IDE: variants seen among roughly 807,000 people sequenced by gnomAD.
IDE encodes insulin degrading enzyme.
Under a neutral mutation model 133.2 loss-of-function variants are expected in IDE, and 58 were observed. The ratio of observed to expected loss-of-function variants is 0.44; its 90% CI spans 0.35 to 0.54. The LOEUF (loss-of-function observed/expected upper bound fraction) is 0.54, where lower values mean the gene tolerates loss of function less well. IDE is among the 20% of genes least tolerant of loss of function. The pLI is 0.00. For synonymous variants in IDE, 396 were observed against 421.3 expected (o/e 0.94, Z 0.73); for missense variants, 981 against 1,234.0 (o/e 0.79, Z 3.07).
intron 5 of IDE, among the ~76,000 whole-genome samples, chr10:92,513,521 G>A (rs1396695747): frequency 6.6e-6 from 1 of 152,040 alleles, no homozygotes; most frequent in East Asian, 1.9e-4. Flanking sequence ...AATTTTGTGG[G>A]GGGGATATGT....
chr10:92,486,783 C>T (rs189537646), intron 13 of IDE, among the ~76,000 whole-genome samples: 1 of 152,276 alleles, frequency 6.6e-6, no homozygotes, highest in African/African-American at 2.4e-5. Flanking sequence ...TTTTTAAGGG[C>T]AGGAAATCCA....
intron 1 of IDE, among the ~76,000 whole-genome samples, chr10:92,560,957 G>A (rs547530853): frequency 7.2e-5 from 11 of 151,970 alleles, no homozygotes; most frequent in South Asian, 6.2e-4. Context: ...ACTCAGGCCG[G>A]GTGTGGTGGC....
At chr10:92,549,075 T>C (rs1245927346) in intron 1 of IDE, among the ~76,000 whole-genome samples, 3 of 151,876 alleles carry the variant, frequency 2.0e-5, no homozygotes, top group African/African-American at 7.3e-5. Context: ...CTGGCCAACA[T>C]ATTGAAACAC....
intron 13 of IDE, among the ~76,000 whole-genome samples, chr10:92,485,940 C>CATAA (rs200235804): frequency 0.017 from 2,590 of 151,548 alleles, 72 homozygotes; most frequent in African/African-American, 0.059. Context: ...ACCCTGTCTC[C>CATAA]ATAAATAAAT....
intron 1 of IDE, among the ~76,000 whole-genome samples, chr10:92,566,126 T>C (rs1413058794): frequency 6.7e-6 from 1 of 148,812 alleles, no homozygotes; most frequent in Non-Finnish European, 1.5e-5. Flanking sequence ...GAGGCCAAGG[T>C]AGGTGGACTG....
At chr10:92,467,428 T>C (rs1043959452) in intron 19 of IDE, among the ~76,000 whole-genome samples, 7 of 152,322 alleles carry the variant, frequency 4.6e-5, no homozygotes, top group African/African-American at 1.7e-4. Flanking sequence ...AGTGAAGAAC[T>C]ATTTAAAGAT....
chr10:92,548,940 C>A (rs1251689156), intron 1 of IDE, among the ~76,000 whole-genome samples: 1 of 152,126 alleles, frequency 6.6e-6, no homozygotes, highest in Non-Finnish European at 1.5e-5. Flanking sequence ...AGGGATGCCA[C>A]TAAGCAACCT....
intron 14 of IDE, among the ~76,000 whole-genome samples, chr10:92,481,577 T>C (rs989336013): frequency 6.6e-6 from 1 of 152,226 alleles, no homozygotes; most frequent in Non-Finnish European, 1.5e-5. Flanking sequence ...ATACGTTATT[T>C]TGTAACCAGA....
chr10:92,452,408 A>C lies in IDE; in HGVS notation c.*2036T>G, dbSNP rs527618146. 3.3e-5 allele frequency: 5 copies of C among 152,338 alleles called. No individual in the cohort carries two copies. Among genetic ancestry groups the C allele is most frequent in the Non-Finnish European group, 5.9e-5 (4 of 68,028 alleles). 9.4% of individuals were successfully genotyped at this position (152,338 alleles called of 1,614,324 possible). A position where few individuals can be genotyped will look rare whatever the true frequency, so the allele number is the denominator to read the frequency against. ...GTTCCACAAATCTCATTTACTAAGCACTGCGTAAACTGCAGTATCTGGGGT... is the reference window on the plus strand; with the variant it reads ...GTTCCACAAATCTCATTTACTAAGCCCTGCGTAAACTGCAGTATCTGGGGT... On this transcript the variant is annotated 3_prime_UTR_variant, in exon 25 of 25. Transcript: ENST00000265986.
At chr10:92,571,007 G>A (rs1187292811) in intron 1 of IDE, among the ~76,000 whole-genome samples, 4 of 151,362 alleles carry the variant, frequency 2.6e-5, no homozygotes, top group Non-Finnish European at 5.9e-5. Context: ...TTAAGACACA[G>A]TCTCGCTCAG....
rs1357281633 is a variant in IDE, at chr10:92,534,608, G to C, written c.461C>G (p.Ser154Cys). The C allele has an allele frequency of 2.5e-6, 4 of 1,613,730 alleles. No homozygotes were observed. Among genetic ancestry groups the C allele is most frequent in the Non-Finnish European group, 3.4e-6 (4 of 1,179,774 alleles). The change falls in exon 3 of 25, where the codon TCT (serine) becomes TGT (cysteine). Residue 154 changes from serine (S) to cysteine (C), a missense_variant. Ser to Cys is a moderately radical substitution (Grantham distance 112, BLOSUM62 -1). Coordinates refer to ENST00000265986, the MANE Select transcript of IDE (RefSeq NM_004969.4). ...TAGGGCACCTTCTAGGTGTTCATGAGAAACATCAAAATAGTAATTGGTATG... is the reference window on the plus strand; with the variant it reads ...TAGGGCACCTTCTAGGTGTTCATGACAAACATCAAAATAGTAATTGGTATG... ...GEHTNYYFDV[S>C]HEHLEGALDR...
chr10:92,566,846 G>A (rs936835912), intron 1 of IDE, among the ~76,000 whole-genome samples: 6 of 152,098 alleles, frequency 3.9e-5, no homozygotes, highest in African/African-American at 1.4e-4. Flanking sequence ...ATAAATATTA[G>A]CTACTAAATC....
At chr10:92,525,462 C>A (rs1849572192) in intron 4 of IDE, among the ~76,000 whole-genome samples, 2 of 152,058 alleles carry the variant, frequency 1.3e-5, no homozygotes, top group African/African-American at 4.8e-5. Context: ...AAAGTGAAAG[C>A]CTTTGCTCTA....
Position 92,466,187 on chromosome 10 carries a change from T to C in IDE, c.2321-344A>G, listed in dbSNP as rs962413150. Among the ~76,000 whole-genome samples, 37 of 128,316 alleles carry C rather than the reference T, an allele frequency of 2.9e-4. 1 individual carries two copies. Among genetic ancestry groups the C allele is most frequent in the Middle Eastern group, 5.3e-3 (1 of 188 alleles). 84.2% of individuals were successfully genotyped at this position (128,316 alleles called of 152,430 possible). On this transcript the variant is annotated intron_variant, in intron 19 of 24. Coordinates refer to ENST00000265986, the MANE Select transcript of IDE (RefSeq NM_004969.4). ...TTGAGGCTGCAGTGAGCTGTGAGTA[T>C]ACCACTGCACTCCAGACCAAGACAC...
At chr10:92,522,223 T>C (rs1005669698) in intron 4 of IDE, among the ~76,000 whole-genome samples, 8 of 152,202 alleles carry the variant, frequency 5.3e-5, no homozygotes, top group African/African-American at 1.7e-4. Flanking sequence ...CACAATTTTA[T>C]TGGGTTCTCT....
chr10:92,552,598 C>T (rs924107086), intron 1 of IDE, among the ~76,000 whole-genome samples: 1 of 152,024 alleles, frequency 6.6e-6, no homozygotes, highest in East Asian at 1.9e-4. Context: ...TTGGCTCACG[C>T]CTGTAATCCC....
rs1228746132 is a variant in IDE at position 92,452,642 on chromosome 10, C to T, written c.*1802G>A. 6.6e-6 allele frequency: 1 copy of T among 151,928 alleles called. No homozygotes were observed. The highest frequency in any genetic ancestry group is 1.5e-5 in the Non-Finnish European group (1 of 67,982). 9.4% of individuals were successfully genotyped at this position (151,928 alleles called of 1,614,324 possible). A position where few individuals can be genotyped will look rare whatever the true frequency, so the allele number is the denominator to read the frequency against. On this transcript the variant is annotated 3_prime_UTR_variant, in exon 25 of 25. Coordinates refer to ENST00000265986, the MANE Select transcript of IDE (RefSeq NM_004969.4). ...CATAAAAAAGACACTTAAATTTCACCCATTTTTTAAAAAAGAGCTAAAAGT... is the reference window on the plus strand; with the variant it reads ...CATAAAAAAGACACTTAAATTTCACTCATTTTTTAAAAAAGAGCTAAAAGT...
At chr10:92,560,425 G>A (rs1264301681) in intron 1 of IDE, among the ~76,000 whole-genome samples, 1 of 152,082 alleles carries the variant, frequency 6.6e-6, no homozygotes, top group Non-Finnish European at 1.5e-5. Context: ...TTGACTTACT[G>A]TACACTGTTT....
intron 18 of IDE, among the ~76,000 whole-genome samples, chr10:92,469,500 C>G (rs1252172544): frequency 6.6e-6 from 1 of 151,918 alleles, no homozygotes; most frequent in Non-Finnish European, 1.5e-5. Flanking sequence ...ACAATCATAA[C>G]TCACTGCAGC....
Sources: gnomAD v4.1 joint callset for allele counts (sites outside exome capture counted in the v4.1 genomes callset) on GRCh38, gnomAD v4.1.1 for gene constraint, MANE v1.5 for transcripts, NCBI Gene and HGNC (gene_info 2026-07-23, HGNC 2026-07-21) for gene names.